PCDHA4: variants seen among roughly 807,000 people sequenced by gnomAD.
The protein encoded by PCDHA4 is protocadherin alpha 4, also known as protocadherin alpha-4.
PCDHA4 carries 49 observed loss-of-function variants against 61.4 expected under a neutral mutation model. That is an observed-to-expected ratio of 0.80 (90% CI 0.63 to 1.01). The LOEUF (loss-of-function observed/expected upper bound fraction) is 1.01, where lower values mean the gene tolerates loss of function less well. Ranked by LOEUF, PCDHA4 falls within the 50% of genes least tolerant of loss-of-function variation. The pLI is 0.00. For synonymous variants in PCDHA4, 590 were observed against 550.3 expected, an observed-to-expected ratio of 1.07 and a Z score of -1.01; for missense variants, 1,254 against 1,235.8, an observed-to-expected ratio of 1.01 and a Z score of -0.22.
intron 1 of PCDHA4, among the ~76,000 whole-genome samples, chr5:140,948,862 C>T (rs1419321480): frequency 6.6e-6 from 1 of 151,398 alleles, no homozygotes; most frequent in Admixed American, 6.6e-5. Context: ...TCTTATATTA[C>T]TTCGGGTTTA....
chr5:140,915,049 G>A (rs141616466), intron 1 of PCDHA4, among the ~76,000 whole-genome samples: 6,100 of 150,756 alleles, frequency 0.04, 138 homozygotes, highest in Non-Finnish European at 0.052. Flanking sequence ...GGGTTCAAGC[G>A]ATTCTCCTGC....
At chr5:140,882,839 T>C (rs1554175751) in intron 1 of PCDHA4, 1 of 1,614,218 alleles carries the variant, frequency 6.2e-7, no homozygotes, top group South Asian at 1.1e-5. Flanking sequence ...GCAAATGTCT[T>C]CATTATCACT....
At chr5:140,985,348 A>G (rs1197077354) in intron 3 of PCDHA4, among the ~76,000 whole-genome samples, 2 of 152,190 alleles carry the variant, frequency 1.3e-5, no homozygotes, top group Non-Finnish European at 2.9e-5. Context: ...AGGCCCAGAT[A>G]TAGACCCTCT....
At chr5:140,812,522 T>G (rs2126639627) in intron 1 of PCDHA4, 1 of 152,318 alleles carries the variant, frequency 6.6e-6, no homozygotes, top group South Asian at 2.1e-4. Flanking sequence ...TTGGGCTTCC[T>G]CATTTGTCCT....
At chr5:140,884,181 A>G in intron 1 of PCDHA4, 1 of 1,613,332 alleles carries the variant, frequency 6.2e-7, no homozygotes, top group Non-Finnish European at 8.5e-7. Context: ...CGCCCTCTGG[A>G]CGAGGTGGAC....
intron 2 of PCDHA4, 175 bp downstream of exon 2, chr5:140,979,182 A>C: frequency 2.6e-5 from 24 of 928,990 alleles, no homozygotes; most frequent in Non-Finnish European, 3.1e-5. Context: ...GCAAATGGTC[A>C]GTGCCAGATG....
chr5:140,830,147 G>C, intron 1 of PCDHA4: 1 of 1,613,286 alleles, frequency 6.2e-7, no homozygotes, highest in Non-Finnish European at 8.5e-7. Flanking sequence ...GTCGGTGGGC[G>C]CCGCGGGCCC....
chr5:140,887,672 T>G (rs2061538471), intron 1 of PCDHA4, among the ~76,000 whole-genome samples: 1 of 152,180 alleles, frequency 6.6e-6, no homozygotes, highest in Admixed American at 6.5e-5. Flanking sequence ...GGATTTATCA[T>G]TTTCATCAAA....
At chr5:140,850,178 T>G in intron 1 of PCDHA4, 1 of 1,593,294 alleles carries the variant, frequency 6.3e-7, no homozygotes, top group Non-Finnish European at 8.6e-7. Flanking sequence ...AGAACGACAA[T>G]GCGCCGGCGC....
At chr5:140,912,465 C>T (rs2153521985) in intron 1 of PCDHA4, among the ~76,000 whole-genome samples, 1 of 151,968 alleles carries the variant, frequency 6.6e-6, no homozygotes, top group South Asian at 2.1e-4. Context: ...TATCCTGGAA[C>T]TTTACTGAAT....
chr5:140,953,364 G>T (rs1177357093), intron 1 of PCDHA4, among the ~76,000 whole-genome samples: 1 of 152,088 alleles, frequency 6.6e-6, no homozygotes, highest in Non-Finnish European at 1.5e-5. Flanking sequence ...TGCACTCAAG[G>T]ATTCTCTACC....
At chr5:140,885,110 TA>T (rs1368571784) in intron 1 of PCDHA4, among the ~76,000 whole-genome samples, 4 of 152,224 alleles carry the variant, frequency 2.6e-5, no homozygotes, top group African/African-American at 9.6e-5. Context: ...ATGCTTTTTT[TA>T]AGTGCACTTT....
chr5:140,944,992 C>T (rs561484046), intron 1 of PCDHA4, among the ~76,000 whole-genome samples: 11 of 152,114 alleles, frequency 7.2e-5, no homozygotes, highest in South Asian at 2.1e-4. Flanking sequence ...ACTTCTGTAA[C>T]GGTTGTGGGT....
At chr5:140,921,534 G>A (rs1413381073) in intron 1 of PCDHA4, among the ~76,000 whole-genome samples, 3 of 152,130 alleles carry the variant, frequency 2.0e-5, no homozygotes, top group African/African-American at 7.2e-5. Context: ...TCTGCTGATA[G>A]AACATTCTGC....
chr5:140,899,269 A>G (rs1301807291), intron 1 of PCDHA4, among the ~76,000 whole-genome samples: 43 of 152,142 alleles, frequency 2.8e-4, no homozygotes, highest in African/African-American at 1.0e-3. Flanking sequence ...GTCTTGTGGC[A>G]GTTTTCAAAG....
chr5:140,823,811 C>A (rs1554129612), intron 1 of PCDHA4: 2 of 1,613,820 alleles, frequency 1.2e-6, no homozygotes, highest in Middle Eastern at 1.7e-4. Flanking sequence ...AAGGCCTCAT[C>A]GCGGGCGTCG....
chr5:140,839,720 A>G (rs1398284509), intron 1 of PCDHA4, among the ~76,000 whole-genome samples: 1 of 152,072 alleles, frequency 6.6e-6, no homozygotes, highest in Admixed American at 6.6e-5. Context: ...AATTTAAATC[A>G]TTTCACAGAA....
intron 1 of PCDHA4, among the ~76,000 whole-genome samples, chr5:140,953,003 A>G (rs2094831963): frequency 6.6e-6 from 1 of 152,190 alleles, no homozygotes; most frequent in Non-Finnish European, 1.5e-5. Context: ...CTCTCTCACT[A>G]TTATGAGAAC....
intron 1 of PCDHA4, chr5:140,877,656 C>T (rs782196097): frequency 4.3e-6 from 7 of 1,613,442 alleles, no homozygotes; most frequent in African/African-American, 4.0e-5. Flanking sequence ...CGCCGCCCAC[C>T]GTGAGCCGGT....
Sources: allele counts gnomAD v4.1 joint callset (sites outside exome capture counted in the v4.1 genomes callset), GRCh38; gene constraint gnomAD v4.1.1; transcripts MANE v1.5; gene names NCBI Gene and HGNC (gene_info 2026-07-23, HGNC 2026-07-21).